The following DCAF17 variants were observed in gnomAD, a reference collection of about 807,000 sequenced individuals.
The protein encoded by DCAF17 is DDB1- and CUL4-associated factor 17.
DCAF17 carries 48 observed loss-of-function variants against 66.0 expected under a neutral mutation model. That is an observed-to-expected ratio of 0.73 (90% CI 0.58 to 0.92). The LOEUF is 0.92. Ranked by LOEUF, DCAF17 falls within the 40% of genes least tolerant of loss-of-function variation. The pLI, the probability that DCAF17 is intolerant of heterozygous loss-of-function variation, is 0.00. For synonymous variants in DCAF17, 206 were observed against 214.6 expected (o/e 0.96, Z 0.35); for missense variants, 562 against 622.8 (o/e 0.90, Z 1.04).
chr2:171,483,747 C>T lies in DCAF17; in HGVS notation c.*2633C>T, dbSNP rs1437420762. ...TTGTCTCATTTAATATTCAGAATAA[C>T]CACATGAAGTATGAACTGCCATTAT... On this transcript the variant is annotated 3_prime_UTR_variant, in exon 14 of 14. Coordinates refer to ENST00000375255, the MANE Select transcript of DCAF17 (RefSeq NM_025000.4). The T allele has an allele frequency of 2.2e-6, 1 of 453,982 alleles. No individual in the cohort carries two copies. The highest frequency in any genetic ancestry group is 6.9e-5 in the East Asian group (1 of 14,390). The allele number at this position is 453,982 out of a possible 1,614,324, so 28.1% of individuals were successfully genotyped here.
intron 9 of DCAF17, among the ~76,000 whole-genome samples, chr2:171,469,700 A>G (rs1208685867): frequency 1.3e-5 from 2 of 152,250 alleles, no homozygotes; most frequent in Non-Finnish European, 2.9e-5. Context: ...GGAAACATGT[A>G]GAAAAATAAG....
Position 171,480,211 on chromosome 2 carries a change from G to T in DCAF17, c.1422+18G>T, listed in dbSNP as rs1253792609. ...GGGATGTGGTGAGTAGAGTCCGTGGGATACAAAGTTGTAAACCTTTCCTTT... is the reference window on the plus strand; with the variant it reads ...GGGATGTGGTGAGTAGAGTCCGTGGTATACAAAGTTGTAAACCTTTCCTTT... On this transcript the variant is annotated intron_variant, in intron 13 of 13. Coordinates refer to ENST00000375255, the MANE Select transcript of DCAF17 (RefSeq NM_025000.4). 1.2e-6 allele frequency: 2 copies of T among 1,611,988 alleles called. No individual in the cohort carries two copies.
chr2:171,443,471 A>G, intron 2 of DCAF17, 52 bp from the exon 3 acceptor site: 2 of 1,500,052 alleles, frequency 1.3e-6, no homozygotes, highest in Non-Finnish European at 1.8e-6. Context: ...ACCTGAACAA[A>G]TACTGTCTTG....
chr2:171,441,896 C>T (rs998848812), intron 2 of DCAF17, among the ~76,000 whole-genome samples: 1 of 152,166 alleles, frequency 6.6e-6, no homozygotes, highest in African/African-American at 2.4e-5. Context: ...TCTTCATGCC[C>T]TCATGCTGGA....
intron 2 of DCAF17, among the ~76,000 whole-genome samples, chr2:171,436,831 A>G (rs1694001512): frequency 6.7e-6 from 1 of 150,304 alleles, no homozygotes; most frequent in Non-Finnish European, 1.5e-5. Context: ...CTGGAGTGCA[A>G]TGGCGTGATC....
chr2:171,471,290 G>A (rs1209842806), intron 9 of DCAF17, among the ~76,000 whole-genome samples: 1 of 152,128 alleles, frequency 6.6e-6, no homozygotes, highest in Non-Finnish European at 1.5e-5. Context: ...TAAAAAAAAT[G>A]TAAGCAGCCG....
At chr2:171,460,125 C>T (rs1248397477) in intron 8 of DCAF17, among the ~76,000 whole-genome samples, 3 of 151,726 alleles carry the variant, frequency 2.0e-5, no homozygotes, top group African/African-American at 7.3e-5. Flanking sequence ...GAGTTCGAGA[C>T]CAGCCTGGCT....
At position 171,481,988 on chromosome 2, in the gene DCAF17, A is replaced by G. The variant is rs1365811011; in HGVS notation, c.*874A>G. 2.2e-6 allele frequency: 1 copy of G among 453,944 alleles called. No homozygotes were observed. The highest frequency in any genetic ancestry group is 2.0e-5 in the African/African-American group (1 of 49,996). 28.1% of individuals were successfully genotyped at this position (453,944 alleles called of 1,614,324 possible). On this transcript the variant is annotated 3_prime_UTR_variant, in exon 14 of 14. Coordinates refer to ENST00000375255, the MANE Select transcript of DCAF17 (RefSeq NM_025000.4). Reference sequence around the variant, plus strand: ...TCTGTTTCCTGTAGAAAAGTGGATAAAGAGTCCCAGAAGAAGTTCTTACTA... The same window carrying G: ...TCTGTTTCCTGTAGAAAAGTGGATAGAGAGTCCCAGAAGAAGTTCTTACTA...
At chr2:171,459,517 A>G (rs1695455635) in intron 8 of DCAF17, among the ~76,000 whole-genome samples, 1 of 152,192 alleles carries the variant, frequency 6.6e-6, no homozygotes, top group East Asian at 1.9e-4. Context: ...ATTCTTGTTC[A>G]TTAAGACTCA....
At chr2:171,449,989 G>A (rs1262110479) in intron 5 of DCAF17, 32 bp downstream of exon 5, 3 of 1,528,880 alleles carry the variant, frequency 2.0e-6, no homozygotes, top group Admixed American at 1.7e-5. Flanking sequence ...ATAAAATGAA[G>A]ACTCTTTTTC....
chr2:171,441,944 T>G lies in DCAF17; in HGVS notation c.231-1579T>G, dbSNP rs537894508. On this transcript the variant is annotated intron_variant, in intron 2 of 13. Transcript: ENST00000375255. Reference sequence around the variant, plus strand: ...GACATGTTATCTTATCATGTCATTATCACACCTAGGAAAATGAGCAACAAT... The same window carrying G: ...GACATGTTATCTTATCATGTCATTAGCACACCTAGGAAAATGAGCAACAAT... 6.6e-5 allele frequency among the ~76,000 whole-genome samples: 10 copies of G among 152,334 alleles called. No individual in the cohort carries two copies. In the South Asian group the frequency reaches 2.1e-3, roughly 32 times the overall value.
At chr2:171,452,737 T>TA (rs1384339088) in intron 5 of DCAF17, among the ~76,000 whole-genome samples, 2 of 152,230 alleles carry the variant, frequency 1.3e-5, no homozygotes, top group Admixed American at 6.5e-5. Flanking sequence ...GGGCTGGAAT[T>TA]ATAGGCGTGA....
chr2:171,461,221 G>A (rs1695567887), intron 8 of DCAF17, among the ~76,000 whole-genome samples: 1 of 152,132 alleles, frequency 6.6e-6, no homozygotes, highest in East Asian at 1.9e-4. Context: ...GACGCGGGCA[G>A]ATCACTTGAG....
intron 9 of DCAF17, among the ~76,000 whole-genome samples, chr2:171,470,745 A>G (rs1458800421): frequency 6.6e-6 from 1 of 152,184 alleles, no homozygotes; most frequent in African/African-American, 2.4e-5. Flanking sequence ...CACATTCTGG[A>G]CATTTAACAC....
intron 3 of DCAF17, among the ~76,000 whole-genome samples, chr2:171,447,009 G>A (rs940608459): frequency 2.6e-5 from 4 of 151,948 alleles, no homozygotes; most frequent in Admixed American, 6.6e-5. Context: ...GTTTTTTCTC[G>A]GACAGTTAAT....
intron 9 of DCAF17, among the ~76,000 whole-genome samples, chr2:171,469,764 G>C (rs533738998): frequency 6.6e-6 from 1 of 152,164 alleles, no homozygotes; most frequent in East Asian, 1.9e-4. Flanking sequence ...GAGTTAAGGG[G>C]GGAGTTCCAT....
intron 8 of DCAF17, among the ~76,000 whole-genome samples, chr2:171,459,179 A>G (rs1330783814): frequency 6.6e-6 from 1 of 152,102 alleles, no homozygotes; most frequent in East Asian, 1.9e-4. Context: ...GTGGTGGCAC[A>G]TGCCTGTAAT....
At chr2:171,474,185 A>T (rs1215643185) in intron 10 of DCAF17, 1 of 569,386 alleles carries the variant, frequency 1.8e-6, no homozygotes, top group African/African-American at 1.9e-5. Flanking sequence ...TGAAAACGTT[A>T]TTTGATGGAT....
At chr2:171,458,171 C>A (rs1695370995) in intron 7 of DCAF17, 96 bp downstream of exon 7, 8 of 1,206,636 alleles carry the variant, frequency 6.6e-6, no homozygotes, top group Admixed American at 5.2e-5. Flanking sequence ...GAGTAAGGCA[C>A]TTCTGTAGAT....
Sources: allele counts gnomAD v4.1 joint callset (sites outside exome capture counted in the v4.1 genomes callset), GRCh38; gene constraint gnomAD v4.1.1; transcripts MANE v1.5; gene names NCBI Gene and HGNC (gene_info 2026-07-23, HGNC 2026-07-21).